Variants in PGS1 observed in about 807,000 individuals in gnomAD.
PGS1 encodes the protein CDP-diacylglycerol--glycerol-3-phosphate 3-phosphatidyltransferase, mitochondrial.
A neutral mutation model predicts 58.3 loss-of-function variants in PGS1; 44 were observed. That is an observed-to-expected ratio of 0.75 (90% CI 0.59 to 0.97). The LOEUF is 0.97. Among genes scored for constraint, PGS1 ranks in the 50% least tolerant of loss-of-function variants. The pLI is 0.00. For missense variants in PGS1, 684 were observed against 731.1 expected (o/e 0.94, Z 0.74); for synonymous variants, 330 against 311.0 (o/e 1.06, Z -0.64).
intron 1 of PGS1, among the ~76,000 whole-genome samples, chr17:78,379,281 T>G (rs1229287898): frequency 6.6e-6 from 1 of 152,144 alleles, no homozygotes; most frequent in South Asian, 2.1e-4. Context: ...TGGGATTTTG[T>G]GTATAGAGCG....
At chr17:78,397,636 T>C (rs1192430887) in intron 3 of PGS1, among the ~76,000 whole-genome samples, 1 of 151,600 alleles carries the variant, frequency 6.6e-6, no homozygotes, top group South Asian at 2.1e-4. Flanking sequence ...GGTTTCTCCA[T>C]GTTGGTCAGG....
In PGS1 at chr17:78,404,709, G is replaced by A. The variant is rs183399051; in HGVS notation, c.1402+620G>A. On this transcript the variant is annotated intron_variant, in intron 7 of 9. Coordinates refer to ENST00000262764, the MANE Select transcript of PGS1 (RefSeq NM_024419.5). ...GAATGTCACTCTTGTCGCTCAGGCTGGAGTGCAATGGTGCGATCTTGGCTC... is the reference window on the plus strand; with the variant it reads ...GAATGTCACTCTTGTCGCTCAGGCTAGAGTGCAATGGTGCGATCTTGGCTC... 2.5e-3 allele frequency among the ~76,000 whole-genome samples: 384 copies of A among 152,296 alleles called. 1 individual carries two copies. The highest frequency in any genetic ancestry group is 4.4e-3 in the Non-Finnish European group (302 of 68,020).
intron 1 of PGS1, among the ~76,000 whole-genome samples, chr17:78,381,495 G>A (rs1161600802): frequency 6.6e-6 from 1 of 152,114 alleles, no homozygotes; most frequent in South Asian, 2.1e-4. Flanking sequence ...CTTGGTGTTC[G>A]AGTTATTCAT....
intron 1 of PGS1, among the ~76,000 whole-genome samples, chr17:78,388,506 T>TTTTTTTA (rs1555627704): frequency 5.5e-4 from 84 of 152,020 alleles, no homozygotes; most frequent in African/African-American, 2.0e-3. Context: ...GCTAATTTTT[T>TTTTTTTA]TTTTTTATTT....
At chr17:78,414,287 C>A (rs973199551) in intron 7 of PGS1, among the ~76,000 whole-genome samples, 6 of 152,192 alleles carry the variant, frequency 3.9e-5, no homozygotes, top group Admixed American at 2.0e-4. Flanking sequence ...CTTTTGCCAC[C>A]CCGCGTGACA....
rs1232489536 is a variant in PGS1, at chr17:78,422,515, TTGAGACAGGGTCTCACTC to T, written c.*11-1543_*11-1526del. On this transcript the variant is annotated intron_variant, in intron 9 of 9. Transcript: ENST00000262764. ...GGTGTGTTTGCCTTTTTTCCCCCTT[TTGAGACAGGGTCTCACTC>T]TGTCACCCAGGCTGGAGTGAGTGGC... is the stretch of plus-strand genomic sequence containing the variant. Among the ~76,000 whole-genome samples the T allele has an allele frequency of 3.0e-3, 453 of 152,216 alleles. 2 individuals are homozygous for T. The highest frequency in any genetic ancestry group is 0.01 in the African/African-American group (420 of 41,534).
intron 1 of PGS1, among the ~76,000 whole-genome samples, chr17:78,379,246 C>T (rs1299576588): frequency 6.6e-6 from 1 of 152,164 alleles, no homozygotes; most frequent in Non-Finnish European, 1.5e-5. Flanking sequence ...TTAGGTAAGC[C>T]TGGCTGTGAG....
intron 9 of PGS1, among the ~76,000 whole-genome samples, chr17:78,423,376 A>G (rs1464403395): frequency 2.0e-5 from 3 of 152,136 alleles, no homozygotes; most frequent in Non-Finnish European, 4.4e-5. Context: ...TACTTGTAAA[A>G]GGTCCTGTTG....
intron 7 of PGS1, 52 bp from the exon 8 acceptor site, chr17:78,414,826 CT>C: frequency 6.3e-7 from 1 of 1,599,432 alleles, no homozygotes; most frequent in Non-Finnish European, 8.6e-7. Context: ...GTGGAGAGGA[CT>C]TTGGTAGATG....
In PGS1 at chr17:78,396,319, A is replaced by C. The variant is rs374328769; in HGVS notation, c.345A>C (p.Arg115Ser). The change falls in exon 3 of 10, where the codon AGA becomes AGC. Residue 115 changes from arginine (R) to serine (S), a missense_variant. By Grantham distance (110) the Arg-to-Ser change is moderately radical (BLOSUM62 -1). Coordinates refer to ENST00000262764, the MANE Select transcript of PGS1 (RefSeq NM_024419.5). ...EFFELMKGQI[R>S]VAKRRVVMAS... ...TTCTCCTCTCTCAGGGGCAGATAAG[A>C]GTAGCCAAGAGGCGGGTCGTGATGG... 4.3e-6 allele frequency: 7 copies of C among 1,613,260 alleles called. No individual in the cohort carries two copies. Among genetic ancestry groups the C allele is most frequent in the East Asian group, 2.2e-5 (1 of 44,878 alleles).
At chr17:78,383,415 G>A (rs1410318867) in intron 1 of PGS1, among the ~76,000 whole-genome samples, 1 of 152,060 alleles carries the variant, frequency 6.6e-6, no homozygotes, top group East Asian at 1.9e-4. Flanking sequence ...TAGTAGAGAC[G>A]CGGTTTCTCC....
chr17:78,404,965 C>T (rs2084000436), intron 7 of PGS1, among the ~76,000 whole-genome samples: 1 of 150,018 alleles, frequency 6.7e-6, no homozygotes, highest in Non-Finnish European at 1.5e-5. Context: ...CGGCCCTTAG[C>T]CTTGTGTTGA....
At chr17:78,392,069 T>C (rs552447793) in intron 1 of PGS1, among the ~76,000 whole-genome samples, 6 of 152,358 alleles carry the variant, frequency 3.9e-5, no homozygotes. Flanking sequence ...AGGTGTCTTT[T>C]AGTGGTGGCT....
At chr17:78,395,511 A>G (rs904154720) in intron 2 of PGS1, among the ~76,000 whole-genome samples, 9 of 151,964 alleles carry the variant, frequency 5.9e-5, no homozygotes, top group African/African-American at 1.7e-4. Context: ...TGGGTCTCCT[A>G]TGTATCTTTT....
In PGS1 at chr17:78,400,779, G is replaced by A. The variant is rs960802051; in HGVS notation, c.804G>A (p.Ala268=). Residue 268 remains alanine, a synonymous_variant, in exon 6 of 10, where the codon GCG becomes GCA. Coordinates refer to ENST00000262764, the MANE Select transcript of PGS1 (RefSeq NM_024419.5). The surrounding 1 kb of genome is among the most constrained non-coding windows in gnomAD (Gnocchi z 4.4). ...IADFFTELVD[A]VGDVSLQLQG... ...ACTTCTTCACGGAGCTGGTGGACGC[G>A]GTGGGGGATGTGTCCCTGCAGCTGC... The A allele has an allele frequency of 3.7e-6, 6 of 1,613,750 alleles. No homozygotes were observed. The African/African-American group carries it at 4.0e-5, about 11-fold the overall frequency.
chr17:78,399,397 A>G lies in PGS1; in HGVS notation c.561A>G (p.Pro187=). The G allele has an allele frequency of 6.2e-7, 1 of 1,614,150 alleles. No individual in the cohort carries two copies. Among genetic ancestry groups the G allele is most frequent in the East Asian group, 2.2e-5 (1 of 44,890 alleles). The change falls in exon 5 of 10, where the codon CCA becomes CCG. Residue 187 remains proline, a synonymous_variant. Transcript: ENST00000262764. ...TMLLPLLRRF[P]EQVRVSLFHT... ...TGCTCCCACTCCTGCGGAGGTTCCC[A>G]GAGCAGGTCCGAGTCTCCCTCTTTC...
In PGS1 at chr17:78,404,246, TGGG is replaced by T. The variant is rs370496718; in HGVS notation, c.1402+159_1402+161del. On this transcript the variant is annotated intron_variant, in intron 7 of 9. Coordinates refer to ENST00000262764, the MANE Select transcript of PGS1 (RefSeq NM_024419.5). ...GGCACATCATAGCTGTCCCATGACT[TGGG>T]GAGAGGCGAGCATTCATCTCCTCAA... Among the ~76,000 whole-genome samples, 1,193 of 151,510 alleles carry T rather than the reference TGGG, an allele frequency of 7.9e-3. 14 individuals are homozygous for T. Among genetic ancestry groups the T allele is most frequent in the Middle Eastern group, 0.035 (10 of 286 alleles).
chr17:78,402,280 C>A (rs991640387), intron 6 of PGS1, among the ~76,000 whole-genome samples: 1 of 152,236 alleles, frequency 6.6e-6, no homozygotes, highest in Non-Finnish European at 1.5e-5. Context: ...CCCTGTTTCA[C>A]TTCCCTGATC....
intron 3 of PGS1, among the ~76,000 whole-genome samples, chr17:78,397,543 T>G (rs901887534): frequency 1.3e-5 from 2 of 152,012 alleles, no homozygotes; most frequent in Admixed American, 1.3e-4. Flanking sequence ...TTGAAGCGAT[T>G]CTCCTGTCTC....
Sources: gnomAD v4.1 joint callset for allele counts (sites outside exome capture counted in the v4.1 genomes callset) on GRCh38, gnomAD v4.1.1 for gene constraint, Gnocchi (gnomAD v3.1) non-coding constraint, MANE v1.5 for transcripts, NCBI Gene and HGNC (gene_info 2026-07-23, HGNC 2026-07-21) for gene names.